The following MYO3B variants were observed in gnomAD, a reference collection of about 807,000 sequenced individuals.
The protein encoded by MYO3B is myosin IIIB, also known as myosin-IIIb.
In MYO3B, 156 loss-of-function variants were observed where a neutral mutation model predicts 174.6. That is an observed-to-expected ratio of 0.89 (90% CI 0.78 to 1.02). MYO3B has a LOEUF of 1.02. MYO3B is among the 50% of genes least tolerant of loss of function. MYO3B has a pLI of 0.00. For missense variants in MYO3B, 1,632 were observed against 1,639.4 expected, an observed-to-expected ratio of 1.00 and a Z score of 0.08; for synonymous variants, 563 against 569.1, an observed-to-expected ratio of 0.99 and a Z score of 0.15.
intron 16 of MYO3B, among the ~76,000 whole-genome samples, chr2:170,395,914 C>T (rs2094440198): frequency 6.6e-6 from 1 of 152,158 alleles, no homozygotes; most frequent in African/African-American, 2.4e-5. Flanking sequence ...CTCTACTTTT[C>T]AATTAGCCTC....
intron 32 of MYO3B, among the ~76,000 whole-genome samples, chr2:170,650,569 T>C (rs1045219566): frequency 1.3e-5 from 2 of 151,910 alleles, no homozygotes; most frequent in Admixed American, 6.6e-5. Flanking sequence ...TGTCTGTGTG[T>C]GTGTTGCCAA....
At chr2:170,590,968 C>T (rs1287401101) in intron 32 of MYO3B, among the ~76,000 whole-genome samples, 3 of 152,130 alleles carry the variant, frequency 2.0e-5, no homozygotes, top group African/African-American at 7.2e-5. Flanking sequence ...TCTCAATATT[C>T]AGAGGCCACA....
chr2:170,381,173 G>A (rs886660104), intron 9 of MYO3B, among the ~76,000 whole-genome samples: 5 of 151,896 alleles, frequency 3.3e-5, no homozygotes, highest in South Asian at 4.1e-4. Flanking sequence ...CCCCCCCATC[G>A]GACTGAGTAA....
At chr2:170,254,684 A>G (rs549922807) in intron 7 of MYO3B, among the ~76,000 whole-genome samples, 10 of 152,194 alleles carry the variant, frequency 6.6e-5, no homozygotes, top group Non-Finnish European at 1.3e-4. Flanking sequence ...AGGGATATTG[A>G]GCTGAGATCT....
At chr2:170,443,087 C>A (rs2094814188) in intron 22 of MYO3B, among the ~76,000 whole-genome samples, 1 of 152,186 alleles carries the variant, frequency 6.6e-6, no homozygotes, top group Admixed American at 6.5e-5. Context: ...CACTGTCTTC[C>A]ACAATGGTTG....
chr2:170,433,269 AAAAGAG>A (rs2094726116), intron 22 of MYO3B, among the ~76,000 whole-genome samples: 1 of 152,212 alleles, frequency 6.6e-6, no homozygotes, highest in African/African-American at 2.4e-5. Context: ...CAAAACAAAA[AAAAGAG>A]AAAATTATCC....
intron 29 of MYO3B, among the ~76,000 whole-genome samples, chr2:170,517,034 A>G (rs987094209): frequency 6.6e-6 from 1 of 152,172 alleles, no homozygotes. Context: ...GGTGATTCCA[A>G]CTGTCACCAG....
intron 32 of MYO3B, among the ~76,000 whole-genome samples, chr2:170,612,615 A>T (rs1295827929): frequency 6.6e-6 from 1 of 152,188 alleles, no homozygotes; most frequent in East Asian, 1.9e-4. Flanking sequence ...ACCATCAGGG[A>T]GAAAAGGAGT....
chr2:170,288,704 C>T (rs1408607325), intron 7 of MYO3B, among the ~76,000 whole-genome samples: 3 of 151,954 alleles, frequency 2.0e-5, no homozygotes, highest in African/African-American at 7.2e-5. Flanking sequence ...TTTAGATGCC[C>T]TTTTTTTCGT....
intron 22 of MYO3B, among the ~76,000 whole-genome samples, chr2:170,429,803 A>G (rs2094694226): frequency 6.6e-6 from 1 of 152,136 alleles, no homozygotes; most frequent in African/African-American, 2.4e-5. Context: ...CCTCTCATGA[A>G]AACTTAGTAT....
chr2:170,371,802 T>C (rs912231036), intron 9 of MYO3B, among the ~76,000 whole-genome samples: 3 of 151,256 alleles, frequency 2.0e-5, no homozygotes, highest in African/African-American at 7.3e-5. Context: ...TGCAATGTGG[T>C]GATTAAAACC....
intron 23 of MYO3B, among the ~76,000 whole-genome samples, chr2:170,449,537 G>A (rs1260747894): frequency 6.6e-6 from 1 of 152,120 alleles, no homozygotes; most frequent in East Asian, 1.9e-4. Flanking sequence ...CAGCACTTTG[G>A]GAGGCTGAGG....
chr2:170,593,467 T>C (rs780846362), intron 32 of MYO3B, among the ~76,000 whole-genome samples: 6 of 152,140 alleles, frequency 3.9e-5, no homozygotes, highest in Admixed American at 2.6e-4. Context: ...CCCAGGTTCA[T>C]AGAGTTTACC....
At chr2:170,398,727 A>T (rs1470645205) in intron 16 of MYO3B, among the ~76,000 whole-genome samples, 1 of 152,176 alleles carries the variant, frequency 6.6e-6, no homozygotes, top group East Asian at 1.9e-4. Context: ...GGGAGCAAAG[A>T]ACAAATATAA....
chr2:170,251,078 T>A (rs2105330254), intron 7 of MYO3B, among the ~76,000 whole-genome samples: 1 of 152,172 alleles, frequency 6.6e-6, no homozygotes, highest in East Asian at 1.9e-4. Flanking sequence ...GGTGGGGCCT[T>A]TGCCAGGGAA....
chr2:170,547,042 C>T (rs960443962), intron 32 of MYO3B, among the ~76,000 whole-genome samples: 4 of 151,802 alleles, frequency 2.6e-5, no homozygotes, highest in East Asian at 1.9e-4. Flanking sequence ...GTCCCTGGCA[C>T]GGCGTGGTGG....
At chr2:170,472,309 C>G (rs1214947636) in intron 25 of MYO3B, among the ~76,000 whole-genome samples, 1 of 152,146 alleles carries the variant, frequency 6.6e-6, no homozygotes, top group Non-Finnish European at 1.5e-5. Flanking sequence ...GCTTACTTTC[C>G]TAGTCTCTTC....
intron 30 of MYO3B, among the ~76,000 whole-genome samples, chr2:170,538,943 T>TA (rs958342334): frequency 1.8e-4 from 27 of 152,098 alleles, no homozygotes; most frequent in African/African-American, 5.3e-4. Flanking sequence ...TGTTATTTGT[T>TA]AAAAAAAATT....
chr2:170,307,790 T>G (rs975602014), intron 7 of MYO3B, among the ~76,000 whole-genome samples: 1 of 152,202 alleles, frequency 6.6e-6, no homozygotes, highest in Non-Finnish European at 1.5e-5. Flanking sequence ...CAGTCACATT[T>G]ATATCTGCTT....
Sources: gnomAD v4.1 joint callset for allele counts (sites outside exome capture counted in the v4.1 genomes callset) on GRCh38, gnomAD v4.1.1 for gene constraint, MANE v1.5 for transcripts, NCBI Gene and HGNC (gene_info 2026-07-23, HGNC 2026-07-21) for gene names.